The following TFCP2L1 variants were observed in gnomAD, a reference collection of about 807,000 sequenced individuals.
TFCP2L1 encodes transcription factor CP2-like protein 1.
Under a neutral mutation model 72.2 loss-of-function variants are expected in TFCP2L1, and 12 were observed. The ratio of observed to expected loss-of-function variants is 0.17; its 90% CI spans 0.11 to 0.27. TFCP2L1 has a LOEUF of 0.27. TFCP2L1 is among the 10% of genes least tolerant of loss of function. The pLI, the probability that TFCP2L1 is intolerant of heterozygous loss-of-function variation, is 1.00. For synonymous variants in TFCP2L1, 260 were observed against 251.0 expected (o/e 1.04, Z -0.34); for missense variants, 488 against 624.6 (o/e 0.78, Z 2.33).
rs147313365 is a variant in TFCP2L1, at chr2:121,258,799, C to T, written c.215-9152G>A. Among the ~76,000 whole-genome samples, 114 of 152,226 alleles carry T rather than the reference C, an allele frequency of 7.5e-4. 1 individual carries two copies. In the East Asian group the frequency reaches 0.019, roughly 26 times the overall value. Reference sequence around the variant, plus strand: ...TCTGGATCAAGGCAAAAACCTGCTACGGGACATCAGAACAATTGGCCCTAT... The same window carrying T: ...TCTGGATCAAGGCAAAAACCTGCTATGGGACATCAGAACAATTGGCCCTAT... On this transcript the variant is annotated intron_variant, in intron 2 of 14. Transcript: ENST00000263707.
chr2:121,269,707 G>C (rs145579428), intron 2 of TFCP2L1, among the ~76,000 whole-genome samples: 65 of 152,054 alleles, frequency 4.3e-4, no homozygotes, highest in African/African-American at 1.6e-3. Flanking sequence ...TCAGGAGTTC[G>C]AGACCAGCCT....
intron 1 of TFCP2L1, 28 bp from the exon 2 acceptor site, chr2:121,281,299 G>A (rs376349098): frequency 1.0e-4 from 159 of 1,568,038 alleles, no homozygotes; most frequent in African/African-American, 1.5e-4. Context: ...CAGAGGTCAG[G>A]AGCAGAGCCC....
rs368847424 is a variant in TFCP2L1, at chr2:121,236,127, C to T, written c.1004-816G>A. Among the ~76,000 whole-genome samples, 54 of 152,308 alleles carry T rather than the reference C, an allele frequency of 3.5e-4. 3 individuals carry two copies. In the South Asian group the frequency reaches 0.011, roughly 30 times the overall value. ...GTTATTACCTATCATTGTGTGACTA[C>T]ACCACAATTCACATACCCACTTTAT... On this transcript the variant is annotated intron_variant, in intron 10 of 14. Coordinates refer to ENST00000263707, the MANE Select transcript of TFCP2L1 (RefSeq NM_014553.3).
At chr2:121,274,193 C>T (rs6712340) in intron 2 of TFCP2L1, among the ~76,000 whole-genome samples, 22,531 of 151,632 alleles carry the variant, frequency 0.15, 1,845 homozygotes, top group Middle Eastern at 0.24. Context: ...AAAAAGATAT[C>T]TAGTGCAGCA....
intron 2 of TFCP2L1, 45 bp downstream of exon 2, chr2:121,281,075 C>A (rs754380850): frequency 1.4e-5 from 23 of 1,611,928 alleles, no homozygotes; most frequent in Non-Finnish European, 1.7e-5. Flanking sequence ...ATCAGCTCCC[C>A]ACTACTTCTG....
intron 2 of TFCP2L1, among the ~76,000 whole-genome samples, chr2:121,274,941 CAA>C (rs762343920): frequency 7.9e-5 from 10 of 126,026 alleles, no homozygotes; most frequent in East Asian, 2.3e-4. Context: ...GACCCTGTCT[CAA>C]AAAAAAAAAA....
At position 121,225,543 on chromosome 2, in the gene TFCP2L1, G is replaced by C. The variant is rs773158379; in HGVS notation, c.1393+19C>G. On this transcript the variant is annotated intron_variant, in intron 14 of 14. Transcript: ENST00000263707. ...TCACCTGCCCCCACAACTACCCTAG[G>C]GGGAGGGGGAGGCTTCACCTTTAAT... The C allele has an allele frequency of 1.4e-5, 22 of 1,613,438 alleles. No homozygotes were observed. Among genetic ancestry groups the C allele is most frequent in the African/African-American group, 1.3e-4 (10 of 74,920 alleles).
intron 3 of TFCP2L1, 132 bp downstream of exon 3, chr2:121,249,439 G>A (rs904733603): frequency 5.1e-5 from 41 of 796,998 alleles, no homozygotes; most frequent in Middle Eastern, 3.7e-4. Flanking sequence ...GCGTCTCACC[G>A]TTGAGGGCTG....
At chr2:121,280,963 G>A (rs543474624) in intron 2 of TFCP2L1, among the ~76,000 whole-genome samples, 157 bp downstream of exon 2, 31 of 152,166 alleles carry the variant, frequency 2.0e-4, no homozygotes, top group African/African-American at 6.5e-4. Flanking sequence ...TCACACAGCT[G>A]GAAAATGGAA....
chr2:121,282,319 T>A (rs1210588353), intron 1 of TFCP2L1, among the ~76,000 whole-genome samples: 1 of 86,256 alleles, frequency 1.2e-5, no homozygotes. Flanking sequence ...CTCTCCACAT[T>A]AAAAAAAAAA....
At chr2:121,275,568 CTTTT>C (rs931104631) in intron 2 of TFCP2L1, among the ~76,000 whole-genome samples, 5 of 121,750 alleles carry the variant, frequency 4.1e-5, no homozygotes, top group Admixed American at 8.5e-5. Context: ...AGAAGTAAGT[CTTTT>C]TTTTTTTTTT....
chr2:121,265,213 G>T (rs1034821787), intron 2 of TFCP2L1, among the ~76,000 whole-genome samples: 1 of 152,114 alleles, frequency 6.6e-6, no homozygotes, highest in Non-Finnish European at 1.5e-5. Context: ...GAAAAATGCC[G>T]CCACAAAAGA....
intron 10 of TFCP2L1, 100 bp from the exon 11 acceptor site, chr2:121,235,411 G>A: frequency 1.7e-6 from 2 of 1,149,450 alleles, no homozygotes; most frequent in Middle Eastern, 2.0e-4. Flanking sequence ...GGTGGGGGGT[G>A]GGGAAGAGCC....
At chr2:121,237,976 C>T (rs1027005131) in intron 8 of TFCP2L1, 126 bp from the exon 9 acceptor site, 2 of 997,084 alleles carry the variant, frequency 2.0e-6, no homozygotes, top group African/African-American at 3.3e-5. Flanking sequence ...TGAAATGAGT[C>T]CTCAAGAATT....
At chr2:121,259,588 T>C (rs1040819292) in intron 2 of TFCP2L1, among the ~76,000 whole-genome samples, 5 of 152,192 alleles carry the variant, frequency 3.3e-5, no homozygotes, top group Non-Finnish European at 5.9e-5. Context: ...GAATTAGAAG[T>C]TAAAAAATAA....
intron 6 of TFCP2L1, among the ~76,000 whole-genome samples, chr2:121,244,304 C>A (rs917412925): frequency 6.6e-6 from 1 of 152,194 alleles, no homozygotes; most frequent in Admixed American, 6.5e-5. Context: ...TCCCAGGGAG[C>A]GGCTCCAACA....
chr2:121,270,995 C>T (rs1475500796), intron 2 of TFCP2L1, among the ~76,000 whole-genome samples: 2 of 151,582 alleles, frequency 1.3e-5, no homozygotes, highest in Admixed American at 6.6e-5. Context: ...TTCGAAACCA[C>T]CCTGGCCAAC....
At position 121,222,381 on chromosome 2, in the gene TFCP2L1, C is replaced by T. The variant is rs1269834171; in HGVS notation, c.*1960G>A. The stretch of plus-strand genomic sequence containing the variant: ...TTCATAGCAGCATCATTCAGAGTAG[C>T]CAAAAAGTAAAAACACACAAATGTC... On this transcript the variant is annotated 3_prime_UTR_variant, in exon 15 of 15. Coordinates refer to ENST00000263707, the MANE Select transcript of TFCP2L1 (RefSeq NM_014553.3). 1.3e-5 allele frequency: 2 copies of T among 152,100 alleles called. No individual in the cohort carries two copies. The highest frequency in any genetic ancestry group is 2.4e-5 in the African/African-American group (1 of 41,408). 9.4% of individuals were successfully genotyped at this position (152,100 alleles called of 1,614,324 possible).
intron 1 of TFCP2L1, 44 bp from the exon 2 acceptor site, chr2:121,281,315 G>T: frequency 1.9e-6 from 3 of 1,550,782 alleles, no homozygotes; most frequent in Non-Finnish European, 8.7e-7. Flanking sequence ...AGCCCCAGGG[G>T]GCTCCTGCAC....
Sources: allele counts gnomAD v4.1 joint callset (sites outside exome capture counted in the v4.1 genomes callset), GRCh38; gene constraint gnomAD v4.1.1; transcripts MANE v1.5; gene names NCBI Gene and HGNC (gene_info 2026-07-23, HGNC 2026-07-21).